The following MACROD2 variants were observed in gnomAD, a reference collection of about 807,000 sequenced individuals.
MACROD2 encodes mono-ADP ribosylhydrolase 2, also known as ADP-ribose glycohydrolase MACROD2.
Under a neutral mutation model 70.4 loss-of-function variants are expected in MACROD2, and 36 were observed. The observed-to-expected ratio is 0.51, with a 90% CI of 0.39 to 0.68. The LOEUF (loss-of-function observed/expected upper bound fraction) is 0.68, where lower values mean the gene tolerates loss of function less well. Among genes scored for constraint, MACROD2 ranks in the 30% least tolerant of loss-of-function variants. MACROD2 has a pLI of 0.00. For missense variants in MACROD2, 496 were observed against 538.4 expected (o/e 0.92, Z 0.78); for synonymous variants, 172 against 178.8 (o/e 0.96, Z 0.30).
rs1043656805 is a variant in MACROD2 at position 14,366,863 on chromosome 20, G to A, written c.272-126616G>A. ...ATTATATATATTTTACTAATCTCTAGCTTTTTGTTGGAGAGTCATTTAATT... is the reference window on the plus strand; with the variant it reads ...ATTATATATATTTTACTAATCTCTAACTTTTTGTTGGAGAGTCATTTAATT... On this transcript the variant is annotated intron_variant, in intron 3 of 17. Coordinates refer to ENST00000684519, the MANE Select transcript of MACROD2 (RefSeq NM_001351661.2). 8.1e-4 allele frequency among the ~76,000 whole-genome samples: 123 copies of A among 152,076 alleles called. 1 individual carries two copies. The highest frequency in any genetic ancestry group is 7.4e-5 in the Non-Finnish European group (5 of 67,986).
chr20:15,508,334 T>C (rs918158965), intron 8 of MACROD2, among the ~76,000 whole-genome samples: 4 of 152,016 alleles, frequency 2.6e-5, no homozygotes, highest in Non-Finnish European at 4.4e-5. Flanking sequence ...TTTGTTTAAA[T>C]AGGCATGGAG....
chr20:14,947,839 C>T (rs1338302750), intron 5 of MACROD2, among the ~76,000 whole-genome samples: 2 of 152,138 alleles, frequency 1.3e-5, no homozygotes, highest in African/African-American at 4.8e-5. Flanking sequence ...GGGATTACAT[C>T]CTTCAACCTT....
chr20:14,682,144 G>A (rs1201625337), intron 4 of MACROD2, among the ~76,000 whole-genome samples: 1 of 152,060 alleles, frequency 6.6e-6, no homozygotes, highest in East Asian at 1.9e-4. Flanking sequence ...GCATTAAGGA[G>A]CAATCTAAAT....
intron 3 of MACROD2, among the ~76,000 whole-genome samples, chr20:14,140,318 C>T (rs1469806840): frequency 6.6e-6 from 1 of 152,162 alleles, no homozygotes; most frequent in Non-Finnish European, 1.5e-5. Context: ...GCTTTCATTA[C>T]ACTATAAAAA....
At chr20:15,950,178 A>G (rs1391429355) in intron 12 of MACROD2, among the ~76,000 whole-genome samples, 2 of 152,224 alleles carry the variant, frequency 1.3e-5, no homozygotes, top group Non-Finnish European at 2.9e-5. Flanking sequence ...AGACTAGCTC[A>G]GTGGTTCTCA....
intron 5 of MACROD2, among the ~76,000 whole-genome samples, chr20:14,701,843 A>G (rs937622001): frequency 6.6e-6 from 1 of 152,146 alleles, no homozygotes; most frequent in Non-Finnish European, 1.5e-5. Flanking sequence ...TACTTCTGCA[A>G]TATTATCAAA....
chr20:15,477,231 G>T (rs1181374074), intron 7 of MACROD2, among the ~76,000 whole-genome samples: 1 of 150,478 alleles, frequency 6.6e-6, no homozygotes, highest in Non-Finnish European at 1.5e-5. Flanking sequence ...CTCCCAAGTA[G>T]CTGGGACTAC....
chr20:15,481,631 G>T (rs988403078), intron 7 of MACROD2, among the ~76,000 whole-genome samples: 1 of 150,062 alleles, frequency 6.7e-6, no homozygotes, highest in Non-Finnish European at 1.5e-5. Flanking sequence ...AGAAAAGCCA[G>T]AGAGCCTACT....
intron 15 of MACROD2, among the ~76,000 whole-genome samples, chr20:15,990,864 T>C (rs780172243): frequency 2.0e-5 from 3 of 152,076 alleles, no homozygotes; most frequent in Non-Finnish European, 4.4e-5. Context: ...GAACTCAAAA[T>C]TGCAATTATA....
intron 9 of MACROD2, among the ~76,000 whole-genome samples, chr20:15,867,757 G>A (rs2109537): frequency 0.61 from 93,036 of 151,912 alleles, 30,745 homozygotes; most frequent in Non-Finnish European, 0.75. Context: ...AATTTTCCCC[G>A]TAATAACAAT....
intron 2 of MACROD2, among the ~76,000 whole-genome samples, chr20:14,037,904 A>G (rs965607850): frequency 6.6e-6 from 1 of 151,880 alleles, no homozygotes; most frequent in Non-Finnish European, 1.5e-5. Flanking sequence ...AGCCTCGGCT[A>G]CTCAGGAGGT....
chr20:14,802,472 C>G (rs968031781), intron 5 of MACROD2, among the ~76,000 whole-genome samples: 4 of 151,850 alleles, frequency 2.6e-5, no homozygotes, highest in African/African-American at 9.7e-5. Flanking sequence ...TGTCCCTCTT[C>G]TTAGCACACA....
At chr20:15,817,256 C>T (rs186186787) in intron 8 of MACROD2, among the ~76,000 whole-genome samples, 159 of 152,270 alleles carry the variant, frequency 1.0e-3, no homozygotes, top group East Asian at 3.3e-3. Context: ...ATTTATAAAG[C>T]GCACTCATCC....
intron 4 of MACROD2, among the ~76,000 whole-genome samples, chr20:14,682,690 C>T (rs1600534675): frequency 6.6e-6 from 1 of 151,956 alleles, no homozygotes; most frequent in Admixed American, 6.6e-5. Context: ...ATTTAACCAG[C>T]TCCTGTTGAT....
At chr20:14,192,632 A>G (rs2081397882) in intron 3 of MACROD2, among the ~76,000 whole-genome samples, 1 of 152,122 alleles carries the variant, frequency 6.6e-6, no homozygotes, top group South Asian at 2.1e-4. Context: ...GTCTGAGGTG[A>G]CATAGTGAAG....
At position 14,521,272 on chromosome 20, in the gene MACROD2, G is replaced by A. The variant is rs1325882456; in HGVS notation, c.301+27764G>A. Among the ~76,000 whole-genome samples the A allele has an allele frequency of 2.0e-5, 3 of 152,070 alleles. No individual in the cohort carries two copies. In the East Asian group the frequency reaches 5.8e-4, roughly 29 times the overall value. ...GTTGTTTCTAAAACCTGCCCTCTTG[G>A]GGGCCTCTTCCTTCCCCTTAGGTTG... On this transcript the variant is annotated intron_variant, in intron 4 of 17. Coordinates refer to ENST00000684519, the MANE Select transcript of MACROD2 (RefSeq NM_001351661.2).
intron 12 of MACROD2, among the ~76,000 whole-genome samples, chr20:15,964,473 C>T (rs145595410): frequency 2.0e-3 from 309 of 152,188 alleles, no homozygotes; most frequent in Middle Eastern, 6.8e-3. Flanking sequence ...ATGAAGCCTC[C>T]ACCTTTATGA....
intron 7 of MACROD2, among the ~76,000 whole-genome samples, chr20:15,439,366 T>G (rs2046466515): frequency 6.6e-6 from 1 of 152,194 alleles, no homozygotes; most frequent in Non-Finnish European, 1.5e-5. Context: ...ACCTTTCAAA[T>G]GGATTTTGTT....
chr20:14,713,320 C>T (rs1000752696), intron 5 of MACROD2, among the ~76,000 whole-genome samples: 1 of 152,168 alleles, frequency 6.6e-6, no homozygotes, highest in African/African-American at 2.4e-5. Context: ...GATGAGGACA[C>T]AGAATCTTAG....
Sources: gnomAD v4.1 joint callset for allele counts (sites outside exome capture counted in the v4.1 genomes callset) on GRCh38, gnomAD v4.1.1 for gene constraint, MANE v1.5 for transcripts, NCBI Gene and HGNC (gene_info 2026-07-23, HGNC 2026-07-21) for gene names.